NCAPG2: variants seen among roughly 807,000 people sequenced by gnomAD.
NCAPG2 encodes the protein condensin-2 complex subunit G2.
A neutral mutation model predicts 141.1 loss-of-function variants in NCAPG2; 53 were observed. That is an observed-to-expected ratio of 0.38 (90% CI 0.30 to 0.47). The LOEUF (loss-of-function observed/expected upper bound fraction) is 0.47. NCAPG2 is among the 20% of genes least tolerant of loss of function. NCAPG2 has a pLI of 0.99. For missense variants in NCAPG2, 1,087 were observed against 1,389.0 expected (o/e 0.78, Z 3.46); for synonymous variants, 499 against 490.7 (o/e 1.02, Z -0.22).
At chr7:158,657,746 T>C (rs1230765324) in intron 17 of NCAPG2, among the ~76,000 whole-genome samples, 2 of 152,290 alleles carry the variant, frequency 1.3e-5, no homozygotes, top group African/African-American at 2.4e-5. Context: ...AGAAATTGGA[T>C]GGTTGCCGTG....
In NCAPG2 at chr7:158,664,609, C is replaced by T. The variant is rs1159386981; in HGVS notation, c.1621G>A (p.Val541Ile). The change falls in exon 14 of 28, where the codon GTC (valine) becomes ATC (isoleucine). Residue 541 changes from valine to isoleucine, a missense_variant. Physicochemically the swap from Val to Ile is conservative, Grantham distance 29. Transcript: ENST00000356309. ...QPEEVWCERC[V>I]TLVQMNHAAA... ...GCGTGGTTCATCTGCACCAGGGTGA[C>T]ACAGCGCTCGCACCAGACCTCCTCC... The T allele has an allele frequency of 6.2e-7, 1 of 1,614,112 alleles. No homozygotes were observed. The highest frequency in any genetic ancestry group is 1.1e-5 in the South Asian group (1 of 91,082).
At chr7:158,664,888 C>G (rs1026790740) in intron 13 of NCAPG2, 138 bp from the exon 14 acceptor site, 8 of 671,820 alleles carry the variant, frequency 1.2e-5, no homozygotes, top group African/African-American at 1.1e-4. Flanking sequence ...AATGACTACA[C>G]CAAAATCTGT....
At position 158,654,648 on chromosome 7, in the gene NCAPG2, T is replaced by G. The variant is rs1423462767; in HGVS notation, c.2693A>C (p.Asp898Ala). ...TAAGAGTTGCATCTGAAACTGATGGTCACCAAGGCCTACCATAACAACATC... is the reference window on the plus strand; with the variant it reads ...TAAGAGTTGCATCTGAAACTGATGGGCACCAAGGCCTACCATAACAACATC... ...CKDVVMVGLG[D>A]HQFQMQLLQR... Residue 898 changes from aspartate (D) to alanine (A), a missense_variant, in exon 22 of 28, where the codon GAC becomes GCC. By Grantham distance (126) the Asp-to-Ala change is moderately radical. Coordinates refer to ENST00000356309, the MANE Select transcript of NCAPG2 (RefSeq NM_017760.7). 3.1e-6 allele frequency: 5 copies of G among 1,614,122 alleles called. No homozygotes were observed. Among genetic ancestry groups the G allele is most frequent in the Admixed American group, 1.7e-5 (1 of 60,014 alleles).
intron 13 of NCAPG2, among the ~76,000 whole-genome samples, chr7:158,669,660 T>G (rs1833542924): frequency 1.3e-5 from 2 of 149,036 alleles, no homozygotes; most frequent in South Asian, 4.2e-4. Flanking sequence ...TCCCAGCTAC[T>G]CAGGAGGCTG....
At chr7:158,646,916 C>T (rs901321210) in intron 24 of NCAPG2, among the ~76,000 whole-genome samples, 1 of 151,800 alleles carries the variant, frequency 6.6e-6, no homozygotes, top group African/African-American at 2.4e-5. Flanking sequence ...GTAGTCCCAG[C>T]TACTTGGGAG....
intron 2 of NCAPG2, among the ~76,000 whole-genome samples, chr7:158,693,846 G>C (rs1835275610): frequency 6.6e-6 from 1 of 152,160 alleles, no homozygotes; most frequent in South Asian, 2.1e-4. Context: ...CCAGCCCCAA[G>C]TGGGCCCTCA....
intron 11 of NCAPG2, among the ~76,000 whole-genome samples, chr7:158,676,639 T>C (rs1396026961): frequency 6.6e-6 from 1 of 152,162 alleles, no homozygotes; most frequent in East Asian, 1.9e-4. Flanking sequence ...AGAAATCAGA[T>C]TGGGATTAGT....
chr7:158,697,081 T>A (rs1001085340), intron 2 of NCAPG2, among the ~76,000 whole-genome samples: 12 of 152,118 alleles, frequency 7.9e-5, no homozygotes, highest in Non-Finnish European at 1.3e-4. Flanking sequence ...TACATTTTTT[T>A]AAGTTAATTG....
intron 1 of NCAPG2, 28 bp from the exon 2 acceptor site, chr7:158,701,966 C>T: frequency 3.1e-6 from 4 of 1,306,042 alleles, no homozygotes; most frequent in Non-Finnish European, 4.3e-6. Context: ...CATACTGAAA[C>T]ACTTGCAAAT....
intron 16 of NCAPG2, among the ~76,000 whole-genome samples, chr7:158,660,836 G>A (rs1017102020): frequency 6.6e-6 from 1 of 152,116 alleles, no homozygotes; most frequent in Non-Finnish European, 1.5e-5. Context: ...GTAGGTAACT[G>A]AATCCTAGGG....
At chr7:158,699,446 C>A (rs1052220674) in intron 2 of NCAPG2, among the ~76,000 whole-genome samples, 5 of 152,320 alleles carry the variant, frequency 3.3e-5, no homozygotes, top group South Asian at 4.1e-4. Flanking sequence ...GCAAGAAATA[C>A]CAGGTGAATG....
intron 22 of NCAPG2, 29 bp downstream of exon 22, chr7:158,654,562 GTATT>G: frequency 6.2e-7 from 1 of 1,600,620 alleles, no homozygotes. Context: ...CTGGTTCTGA[GTATT>G]TATTGCTCTA....
Position 158,669,796 on chromosome 7 carries a change from A to AAAAAAAAT in NCAPG2, c.1479+1717_1479+1718insATTTTTTT, listed in dbSNP as rs1833560907. On this transcript the variant is annotated intron_variant, in intron 13 of 27. Coordinates refer to ENST00000356309, the MANE Select transcript of NCAPG2 (RefSeq NM_017760.7). ...AAAAAAAAAAAAAAAAAAAAAAAAAATTGACATGCTTACTCTACATTTTTT... is the reference window on the plus strand; with the variant it reads ...AAAAAAAAAAAAAAAAAAAAAAAAAAAAAAAAATTTGACATGCTTACTCTACATTTTTT... Among the ~76,000 whole-genome samples the AAAAAAAAT allele has an allele frequency of 2.8e-5, 4 of 142,584 alleles. No individual in the cohort carries two copies. The South Asian group carries it at 6.8e-4, about 24-fold the overall frequency. The allele number at this position is 142,584 out of a possible 152,430, so 93.5% of individuals were successfully genotyped here. A position where few individuals can be genotyped will look rare whatever the true frequency, so the allele number is the denominator to read the frequency against.
chr7:158,649,559 A>G (rs1223698546), intron 24 of NCAPG2, among the ~76,000 whole-genome samples: 1 of 152,244 alleles, frequency 6.6e-6, no homozygotes, highest in Non-Finnish European at 1.5e-5. Context: ...GCTCACCGGA[A>G]TAAACAAATC....
intron 7 of NCAPG2, among the ~76,000 whole-genome samples, chr7:158,686,845 T>A (rs1834782758): frequency 6.6e-6 from 1 of 152,194 alleles, no homozygotes; most frequent in African/African-American, 2.4e-5. Flanking sequence ...GAGGATTAAA[T>A]TTTAAAATGG....
chr7:158,656,342 G>T lies in NCAPG2; in HGVS notation c.2306C>A (p.Thr769Asn). Residue 769 changes from threonine (T) to asparagine (N), a missense_variant, in exon 19 of 28, where the codon ACT (threonine) becomes AAT (asparagine). Transcript: ENST00000356309. ...LALVYIEYLL[T>N]HPKNRECLLS... The stretch of plus-strand genomic sequence containing the variant: ...CAAGCACTCGCGGTTCTTTGGATGA[G>T]TCAGCAGATACTCAATGTAGACCAA... The T allele has an allele frequency of 6.2e-7, 1 of 1,614,212 alleles. No individual in the cohort carries two copies. Among genetic ancestry groups the T allele is most frequent in the Non-Finnish European group, 8.5e-7 (1 of 1,180,028 alleles).
chr7:158,686,190 A>G lies in NCAPG2; in HGVS notation c.819T>C (p.Ala273=). The G allele has an allele frequency of 6.4e-7, 1 of 1,574,754 alleles. No homozygotes were observed. Among genetic ancestry groups the G allele is most frequent in the Non-Finnish European group, 8.6e-7 (1 of 1,160,114 alleles). The change falls in exon 8 of 28, where the codon GCT becomes GCC. Residue 273 remains alanine (A), a synonymous_variant. Transcript: ENST00000356309. ...AAAATACCTCCAGTATTTTCCCTGAAGCCTTTTTCCAAGCTCTGAAATAAA... is the reference window on the plus strand; with the variant it reads ...AAAATACCTCCAGTATTTTCCCTGAGGCCTTTTTCCAAGCTCTGAAATAAA... ...AEIYFRAWKK[A]SGKILEAIEN... is the part of the protein sequence containing the mutation.
At chr7:158,672,306 ATATATATATATATATATATATATTT>A (rs1833758616) in intron 12 of NCAPG2, among the ~76,000 whole-genome samples, 37 of 23,584 alleles carry the variant, frequency 1.6e-3, no homozygotes, top group African/African-American at 5.4e-3. Context: ...ATATATATAT[ATATATATATATATATATATATATTT>A]TTTTTTTTTT....
rs1323104147 is a variant in NCAPG2 at position 158,664,188 on chromosome 7, A to T, written c.1811T>A (p.Val604Glu). 1 of 1,604,876 alleles carries T rather than the reference A, an allele frequency of 6.2e-7. No homozygotes were observed. The highest frequency in any genetic ancestry group is 2.2e-5 in the East Asian group (1 of 44,834). The change falls in exon 15 of 28, where the codon GTG becomes GAG. Residue 604 changes from valine (V) to glutamate (E), a missense_variant. By Grantham distance (121) the Val-to-Glu change is moderately radical (BLOSUM62 -2). Transcript: ENST00000356309. ...GCCTGGCCCTGTTCTACTCACAGTC[A>T]CATTCTCCTTCTCCCTTCCGTCCTC... Reference protein sequence around the residue: ...EEEDGREKENVTVLDKTLSVN... With the variant: ...EEEDGREKENETVLDKTLSVN...
Sources: allele counts gnomAD v4.1 joint callset (sites outside exome capture counted in the v4.1 genomes callset), GRCh38; gene constraint gnomAD v4.1.1; transcripts MANE v1.5; gene names NCBI Gene and HGNC (gene_info 2026-07-23, HGNC 2026-07-21).